PBX1: variants seen among roughly 807,000 people sequenced by gnomAD.
The protein encoded by PBX1 is PBX homeobox 1, also known as pre-B-cell leukemia transcription factor 1.
PBX1 carries 6 observed loss-of-function variants against 53.4 expected under a neutral mutation model. The ratio of observed to expected loss-of-function variants is 0.11; its 90% CI spans 0.06 to 0.22. PBX1 has a LOEUF of 0.22. Ranked by LOEUF, PBX1 falls within the 10% of genes least tolerant of loss-of-function variation. PBX1 has a pLI of 1.00. For synonymous variants in PBX1, 204 were observed against 212.3 expected, an observed-to-expected ratio of 0.96 and a Z score of 0.34; for missense variants, 251 against 551.4, an observed-to-expected ratio of 0.46 and a Z score of 5.46.
intron 2 of PBX1, among the ~76,000 whole-genome samples, chr1:164,676,668 T>C (rs1661449175): frequency 6.6e-6 from 1 of 152,208 alleles, no homozygotes; most frequent in South Asian, 2.1e-4. Flanking sequence ...GTTCAAAGCC[T>C]GCAGCCCCCT....
intron 2 of PBX1, chr1:164,680,782 T>C (rs1475129493): frequency 2.0e-5 from 3 of 152,222 alleles, no homozygotes; most frequent in Non-Finnish European, 4.4e-5. Flanking sequence ...ATAAATCTAT[T>C]GCTCTCCTGC....
intron 2 of PBX1, among the ~76,000 whole-genome samples, chr1:164,637,205 A>G (rs1198127722): frequency 6.6e-6 from 1 of 152,156 alleles, no homozygotes; most frequent in Non-Finnish European, 1.5e-5. Flanking sequence ...CTAAAATCCT[A>G]TGGAGAGATT....
intron 8 of PBX1, among the ~76,000 whole-genome samples, chr1:164,827,608 T>C (rs905439641): frequency 1.3e-5 from 2 of 152,184 alleles, no homozygotes; most frequent in Non-Finnish European, 2.9e-5. Flanking sequence ...TTATAGGGCC[T>C]TTAAACCTAG....
chr1:164,702,189 G>GTT (rs34708967), intron 2 of PBX1, among the ~76,000 whole-genome samples: 81 of 150,050 alleles, frequency 5.4e-4, no homozygotes, highest in Non-Finnish European at 6.8e-4. Flanking sequence ...CCACGATGAG[G>GTT]TTTTTTTTTT....
In PBX1 at chr1:164,559,787, A is replaced by G; in HGVS notation, c.-36A>G. 1 of 1,508,816 alleles carries G rather than the reference A, an allele frequency of 6.6e-7. No homozygotes were observed. Among genetic ancestry groups the G allele is most frequent in the Non-Finnish European group, 8.9e-7 (1 of 1,122,954 alleles). The allele number at this position is 1,508,816 out of a possible 1,614,324, so 93.5% of individuals were successfully genotyped here. On this transcript the variant is annotated 5_prime_UTR_variant, in exon 1 of 9. Transcript: ENST00000420696. ...TCCCAGGAGCCGAGCCGAGGAGCAG[A>G]AGAGGAAGAGCCGGGGGCTGCCGTA...
At chr1:164,845,060 A>G (rs1392459298) in intron 8 of PBX1, among the ~76,000 whole-genome samples, 1 of 152,114 alleles carries the variant, frequency 6.6e-6, no homozygotes, top group African/African-American at 2.4e-5. Flanking sequence ...CCCTCTTGGT[A>G]TCCAGATCTG....
intron 6 of PBX1, chr1:164,813,261 C>T (rs957501955): frequency 6.6e-6 from 1 of 152,184 alleles, no homozygotes; most frequent in Admixed American, 6.5e-5. Context: ...CTATACCCAG[C>T]ACTTCTTTTG....
intron 2 of PBX1, among the ~76,000 whole-genome samples, chr1:164,640,019 C>T (rs147134495): frequency 6.6e-6 from 1 of 151,978 alleles, no homozygotes; most frequent in Non-Finnish European, 1.5e-5. Context: ...AGACGAAGCC[C>T]CTGCCAAAGC....
intron 2 of PBX1, among the ~76,000 whole-genome samples, chr1:164,681,267 G>T (rs1345321401): frequency 6.6e-6 from 1 of 152,050 alleles, no homozygotes; most frequent in Non-Finnish European, 1.5e-5. Context: ...CTAGATAAAA[G>T]AAAGCCGATT....
intron 2 of PBX1, among the ~76,000 whole-genome samples, chr1:164,761,561 C>T (rs531264742): frequency 1.3e-5 from 2 of 152,230 alleles, no homozygotes; most frequent in South Asian, 2.1e-4. Context: ...TCTCCTGCCT[C>T]AGCCTCCCGT....
chr1:164,793,516 C>G (rs1173500650), intron 3 of PBX1, among the ~76,000 whole-genome samples: 1 of 152,116 alleles, frequency 6.6e-6, no homozygotes, highest in Admixed American at 6.5e-5. Context: ...AAGGAAAGGG[C>G]AAGAAAGGCT....
chr1:164,738,061 G>A (rs187177777), intron 2 of PBX1, among the ~76,000 whole-genome samples: 68 of 152,156 alleles, frequency 4.5e-4, no homozygotes, highest in African/African-American at 1.6e-3. Context: ...GCTTTGAGAT[G>A]TATCTACATT....
At chr1:164,839,541 G>T (rs1204063433) in intron 8 of PBX1, among the ~76,000 whole-genome samples, 1 of 152,122 alleles carries the variant, frequency 6.6e-6, no homozygotes, top group African/African-American at 2.4e-5. Context: ...CCTACAATAA[G>T]AAAGTGACTC....
At chr1:164,561,226 A>C (rs1288298178) in intron 1 of PBX1, among the ~76,000 whole-genome samples, 1 of 152,246 alleles carries the variant, frequency 6.6e-6, no homozygotes, top group Non-Finnish European at 1.5e-5. Flanking sequence ...TATATGGAGA[A>C]GACATCATTA....
chr1:164,596,276 G>C (rs1655750465), intron 2 of PBX1, among the ~76,000 whole-genome samples: 1 of 152,140 alleles, frequency 6.6e-6, no homozygotes, highest in African/African-American at 2.4e-5. Context: ...AAATCACATG[G>C]TAAAATCGGG....
intron 2 of PBX1, among the ~76,000 whole-genome samples, chr1:164,717,609 A>G (rs1664175787): frequency 6.6e-6 from 1 of 152,180 alleles, no homozygotes; most frequent in African/African-American, 2.4e-5. Context: ...TGGCTCCAGA[A>G]ACTTAGAACA....
At chr1:164,769,788 A>G (rs143502812) in intron 2 of PBX1, 1 of 151,754 alleles carries the variant, frequency 6.6e-6, no homozygotes, top group African/African-American at 2.4e-5. Context: ...TTTGGTCTAT[A>G]AAAAAAGTCA....
intron 2 of PBX1, among the ~76,000 whole-genome samples, chr1:164,756,297 A>AT (rs199895029): frequency 2.6e-5 from 4 of 152,066 alleles, no homozygotes; most frequent in Admixed American, 6.5e-5. Flanking sequence ...GGGCTGTCTG[A>AT]TTTTTTTTCC....
chr1:164,618,303 G>T lies in PBX1; in HGVS notation c.265+54992G>T, dbSNP rs111595506. ...CCAGGGAGAATAATCACGGCGGGGG[G>T]GGGGGGGCACTCAAGATGATCAGCA... On this transcript the variant is annotated intron_variant, in intron 2 of 8. Coordinates refer to ENST00000420696, the MANE Select transcript of PBX1 (RefSeq NM_002585.4). Among the ~76,000 whole-genome samples the T allele has an allele frequency of 2.9e-4, 44 of 150,410 alleles. 1 individual carries two copies. Among genetic ancestry groups the T allele is most frequent in the African/African-American group, 7.4e-4 (30 of 40,740 alleles).
Sources: gnomAD v4.1 joint callset for allele counts (sites outside exome capture counted in the v4.1 genomes callset) on GRCh38, gnomAD v4.1.1 for gene constraint, MANE v1.5 for transcripts, NCBI Gene and HGNC (gene_info 2026-07-23, HGNC 2026-07-21) for gene names.